Variants in GRID2 observed in about 807,000 individuals in gnomAD.
GRID2 encodes glutamate ionotropic receptor delta type subunit 2.
Under a neutral mutation model 114.8 loss-of-function variants are expected in GRID2, and 33 were observed. That is an observed-to-expected ratio of 0.29 (90% confidence interval 0.22 to 0.38). The LOEUF (loss-of-function observed/expected upper bound fraction) is 0.38. Among genes scored for constraint, GRID2 ranks in the 10% least tolerant of loss-of-function variants. The pLI, the probability that GRID2 is intolerant of heterozygous loss-of-function variation, is 1.00. For synonymous variants in GRID2, 505 were observed against 449.9 expected, an observed-to-expected ratio of 1.12 and a Z score of -1.55; for missense variants, 1,184 against 1,257.7, an observed-to-expected ratio of 0.94 and a Z score of 0.89.
chr4:92,971,701 A>T (rs1021244274), intron 2 of GRID2, among the ~76,000 whole-genome samples: 1 of 151,856 alleles, frequency 6.6e-6, no homozygotes, highest in African/African-American at 2.4e-5. Flanking sequence ...CACTCCTCCC[A>T]TTCTTCCCAG....
In GRID2 at chr4:93,633,370, CCT is replaced by C. The variant is rs1366416361; in HGVS notation, c.2360+6942_2360+6943del. ...AAAAAGAGAACATTAGATCTTTTTA[CCT>C]CTCTCTATCTTGATACTTCTTACAC... On this transcript the variant is annotated intron_variant, in intron 14 of 15. Coordinates refer to ENST00000282020, the MANE Select transcript of GRID2 (RefSeq NM_001510.4). Among the ~76,000 whole-genome samples the C allele has an allele frequency of 4.0e-5, 6 of 151,670 alleles. No individual in the cohort carries two copies. In the East Asian group the frequency reaches 7.7e-4, roughly 20 times the overall value.
intron 1 of GRID2, among the ~76,000 whole-genome samples, chr4:92,441,474 G>A (rs1386672856): frequency 6.6e-6 from 1 of 152,066 alleles, no homozygotes; most frequent in East Asian, 1.9e-4. Context: ...ATAATGGATA[G>A]TAGAGGCAGG....
intron 14 of GRID2, among the ~76,000 whole-genome samples, chr4:93,728,871 T>C (rs1578678542): frequency 6.6e-6 from 1 of 152,288 alleles, no homozygotes; most frequent in East Asian, 1.9e-4. Flanking sequence ...ATTTTGAGCC[T>C]ATGTGTGTCT....
chr4:92,575,869 G>T (rs1293973351), intron 1 of GRID2, among the ~76,000 whole-genome samples: 1 of 152,224 alleles, frequency 6.6e-6, no homozygotes, highest in Admixed American at 6.5e-5. Context: ...AATTAGAACT[G>T]TTGGCTCTTG....
chr4:93,745,830 T>C (rs557341567), intron 14 of GRID2, among the ~76,000 whole-genome samples: 1 of 152,330 alleles, frequency 6.6e-6, no homozygotes, highest in African/African-American at 2.4e-5. Context: ...TCTTTTTTGT[T>C]TGTTTGTTTG....
At chr4:93,595,236 C>A (rs1316564880) in intron 13 of GRID2, among the ~76,000 whole-genome samples, 1 of 152,192 alleles carries the variant, frequency 6.6e-6, no homozygotes, top group East Asian at 1.9e-4. Flanking sequence ...AATTCCTTAG[C>A]ATTTAGTTGT....
At chr4:92,509,604 A>G (rs921099279) in intron 1 of GRID2, among the ~76,000 whole-genome samples, 3 of 151,992 alleles carry the variant, frequency 2.0e-5, no homozygotes, top group African/African-American at 7.2e-5. Context: ...TTAGATTGTG[A>G]TAAGTGCTTC....
At chr4:93,555,675 T>A (rs2149552010) in intron 13 of GRID2, among the ~76,000 whole-genome samples, 1 of 152,254 alleles carries the variant, frequency 6.6e-6, no homozygotes, top group African/African-American at 2.4e-5. Flanking sequence ...GGCTGTGAAG[T>A]CAGCTTCAGC....
intron 1 of GRID2, among the ~76,000 whole-genome samples, chr4:92,535,905 C>T (rs986759437): frequency 6.6e-6 from 1 of 152,042 alleles, no homozygotes; most frequent in African/African-American, 2.4e-5. Context: ...TAAAGGCGGC[C>T]GCATCTGGAC....
chr4:92,763,148 A>T (rs1052831894), intron 2 of GRID2, among the ~76,000 whole-genome samples: 7 of 152,168 alleles, frequency 4.6e-5, no homozygotes, highest in African/African-American at 1.4e-4. Flanking sequence ...CTATTGTAAC[A>T]ATCTATAATG....
chr4:92,520,634 G>A (rs1374164375), intron 1 of GRID2, among the ~76,000 whole-genome samples: 1 of 151,914 alleles, frequency 6.6e-6, no homozygotes, highest in Non-Finnish European at 1.5e-5. Context: ...ATCTCCTACA[G>A]ATGCACTCTT....
intron 2 of GRID2, among the ~76,000 whole-genome samples, chr4:92,792,894 T>C (rs894348796): frequency 1.0e-3 from 73 of 73,176 alleles, no homozygotes; most frequent in African/African-American, 6.2e-3. Context: ...ATAATATCCA[T>C]TTTTTTTTTT....
chr4:92,449,599 ATATT>A (rs1044642171), intron 1 of GRID2, among the ~76,000 whole-genome samples: 66 of 146,922 alleles, frequency 4.5e-4, no homozygotes, highest in African/African-American at 1.1e-3. Context: ...AAAAATATTC[ATATT>A]TATTCTTAAT....
At chr4:93,082,921 A>G (rs938846776) in intron 2 of GRID2, among the ~76,000 whole-genome samples, 16 of 152,176 alleles carry the variant, frequency 1.1e-4, no homozygotes, top group African/African-American at 3.9e-4. Context: ...ATGACTTTTC[A>G]TTTTGGAATA....
intron 2 of GRID2, among the ~76,000 whole-genome samples, chr4:92,765,738 C>G (rs1318781331): frequency 6.6e-6 from 1 of 152,178 alleles, no homozygotes; most frequent in East Asian, 1.9e-4. Flanking sequence ...AGTATCCAGA[C>G]AGAGAGCACT....
At chr4:93,285,791 G>A (rs1048253717) in intron 8 of GRID2, among the ~76,000 whole-genome samples, 1 of 151,922 alleles carries the variant, frequency 6.6e-6, no homozygotes, top group East Asian at 1.9e-4. Context: ...AGAATTGATG[G>A]TAATAGTATA....
At chr4:92,944,935 A>G (rs751494669) in intron 2 of GRID2, among the ~76,000 whole-genome samples, 21 of 152,272 alleles carry the variant, frequency 1.4e-4, no homozygotes, top group Admixed American at 2.0e-4. Flanking sequence ...TATAAGCAAC[A>G]ATTTGTCTTC....
At chr4:93,436,658 G>A (rs1440345255) in intron 10 of GRID2, among the ~76,000 whole-genome samples, 11 of 152,142 alleles carry the variant, frequency 7.2e-5, no homozygotes, top group Non-Finnish European at 2.9e-5. Context: ...AATTTAAATC[G>A]ACAGTAATAC....
At chr4:93,121,135 A>G (rs1208231608) in intron 4 of GRID2, among the ~76,000 whole-genome samples, 1 of 152,132 alleles carries the variant, frequency 6.6e-6, no homozygotes, top group African/African-American at 2.4e-5. Flanking sequence ...AATTGCTGTG[A>G]TAGTTATTTA....
Sources: gnomAD v4.1 joint callset for allele counts (sites outside exome capture counted in the v4.1 genomes callset) on GRCh38, gnomAD v4.1.1 for gene constraint, MANE v1.5 for transcripts, NCBI Gene and HGNC (gene_info 2026-07-23, HGNC 2026-07-21) for gene names.